Variants in MFSD8 observed in about 807,000 individuals in gnomAD.
MFSD8 encodes major facilitator superfamily domain-containing protein 8.
A neutral mutation model predicts 66.4 loss-of-function variants in MFSD8; 55 were observed. The observed-to-expected ratio is 0.83, with a 90% confidence interval of 0.67 to 1.04. MFSD8 has a LOEUF of 1.04. MFSD8 is among the 50% of genes least tolerant of loss of function. The pLI, the probability that MFSD8 is intolerant of heterozygous loss-of-function variation, is 0.00. For missense variants in MFSD8, 550 were observed against 627.6 expected, an observed-to-expected ratio of 0.88 and a Z score of 1.32; for synonymous variants, 202 against 212.8, an observed-to-expected ratio of 0.95 and a Z score of 0.44.
intron 2 of MFSD8, among the ~76,000 whole-genome samples, chr4:127,953,681 C>T (rs1262090171): frequency 6.8e-6 from 1 of 146,434 alleles, no homozygotes; most frequent in East Asian, 2.1e-4. Flanking sequence ...GATGGGGTTT[C>T]ACCATATTGG....
chr4:127,944,297 A>G (rs1307991215), intron 3 of MFSD8, among the ~76,000 whole-genome samples: 1 of 152,206 alleles, frequency 6.6e-6, no homozygotes, highest in Non-Finnish European at 1.5e-5. Context: ...GCATATAGCA[A>G]TAACATCATG....
intron 7 of MFSD8, among the ~76,000 whole-genome samples, chr4:127,934,895 GTTTA>G (rs1738795764): frequency 9.4e-6 from 1 of 106,716 alleles, no homozygotes; most frequent in Non-Finnish European, 1.7e-5. Context: ...ACAAAAATAT[GTTTA>G]TTTATGCTAT....
intron 1 of MFSD8, among the ~76,000 whole-genome samples, chr4:127,962,306 A>G (rs1313599516): frequency 2.0e-5 from 3 of 152,088 alleles, no homozygotes; most frequent in African/African-American, 7.2e-5. Context: ...GTCTTTACCA[A>G]AAATACAAAA....
At position 127,919,588 on chromosome 4, in the gene MFSD8, T is replaced by A. The variant is rs984323512; in HGVS notation, c.*1042A>T. On this transcript the variant is annotated 3_prime_UTR_variant, in exon 12 of 12. Coordinates refer to ENST00000641686, the MANE Select transcript of MFSD8 (RefSeq NM_001371596.2). ...ATTGTTAGATTAAAGCCATTTTGCC[T>A]CAAATACTTATTAGCCTGACTAGTT... 1 of 152,124 alleles carries A rather than the reference T, an allele frequency of 6.6e-6. No homozygotes were observed. The highest frequency in any genetic ancestry group is 1.5e-5 in the Non-Finnish European group (1 of 68,020). 9.4% of individuals were successfully genotyped at this position (152,124 alleles called of 1,614,324 possible). A position where few individuals can be genotyped will look rare whatever the true frequency, so the allele number is the denominator to read the frequency against.
intron 4 of MFSD8, 30 bp from the exon 5 acceptor site, chr4:127,942,188 A>G (rs1290552827): frequency 4.0e-6 from 6 of 1,507,286 alleles, no homozygotes; most frequent in Non-Finnish European, 5.5e-6. Context: ...AATCCAAAGT[A>G]AAAGAAAGTA....
At chr4:127,930,124 G>A (rs763860852) in intron 9 of MFSD8, among the ~76,000 whole-genome samples, 2 of 152,092 alleles carry the variant, frequency 1.3e-5, no homozygotes, top group Non-Finnish European at 2.9e-5. Flanking sequence ...GGTCATGCCT[G>A]TAGTCCAGCT....
At chr4:127,957,383 C>T (rs1473935509) in intron 2 of MFSD8, 118 bp downstream of exon 2, 6 of 762,700 alleles carry the variant, frequency 7.9e-6, no homozygotes, top group African/African-American at 5.2e-5. Context: ...AAATTTATGT[C>T]ACGTATTTTT....
At chr4:127,927,406 CCT>C (rs1414551396) in intron 9 of MFSD8, among the ~76,000 whole-genome samples, 2 of 152,160 alleles carry the variant, frequency 1.3e-5, no homozygotes, top group Non-Finnish European at 2.9e-5. Context: ...GAACTTCTGA[CCT>C]CAGGTGATCT....
intron 7 of MFSD8, among the ~76,000 whole-genome samples, chr4:127,936,864 A>G (rs1323663564): frequency 1.3e-5 from 2 of 152,094 alleles, no homozygotes; most frequent in African/African-American, 4.8e-5. Flanking sequence ...GATGTATATC[A>G]TTATCCCCTT....
rs1578912362 is a variant in MFSD8, at chr4:127,943,958, C to T, written c.233G>A (p.Trp78Ter). 3 of 1,613,998 alleles carry T rather than the reference C, an allele frequency of 1.9e-6. No individual in the cohort carries two copies. Among genetic ancestry groups the T allele is most frequent in the Non-Finnish European group, 2.5e-6 (3 of 1,180,010 alleles). The change falls in exon 4 of 12, where the codon TGG (tryptophan) becomes TAG (stop). Residue 78 changes from tryptophan to a stop codon, truncating the protein, a stop_gained. Coordinates refer to ENST00000641686, the MANE Select transcript of MFSD8 (RefSeq NM_001371596.2). LOFTEE classifies it high-confidence loss of function. ...DPTADTSFLGWVIASYSLGQM... is the reference protein window; with the variant it reads ...DPTADTSFLG ...GCCAAGACTATATGAAGCAATAACCCAGCCCAAAAAACTTGTATCAGCTGT... is the reference window on the plus strand; with the variant it reads ...GCCAAGACTATATGAAGCAATAACCTAGCCCAAAAAACTTGTATCAGCTGT...
Position 127,933,067 on chromosome 4 carries a change from G to C in MFSD8, c.781C>G (p.Gln261Glu), listed in dbSNP as rs1481738679. 2 of 1,613,692 alleles carry C rather than the reference G, an allele frequency of 1.2e-6. No homozygotes were observed. The highest frequency in any genetic ancestry group is 1.7e-6 in the Non-Finnish European group (2 of 1,179,836). The change falls in exon 8 of 12, where the codon CAA (glutamine) becomes GAA (glutamate). Residue 261 changes from glutamine to glutamate, a missense_variant. Physicochemically the swap from Gln to Glu is conservative, Grantham distance 29 (BLOSUM62 2). Coordinates refer to ENST00000641686, the MANE Select transcript of MFSD8 (RefSeq NM_001371596.2). The part of the protein sequence containing the change: ...EASTDEAQVP[Q>E]GNIDQVAVVA... ...ACAGCAACCTGGTCAATATTTCCTTGGGGAACCTGAGCTTCATCTGTACTT... is the reference window on the plus strand; with the variant it reads ...ACAGCAACCTGGTCAATATTTCCTTCGGGAACCTGAGCTTCATCTGTACTT...
intron 6 of MFSD8, 48 bp downstream of exon 6, chr4:127,939,805 T>C (rs1218449794): frequency 1.9e-6 from 3 of 1,559,546 alleles, no homozygotes; most frequent in African/African-American, 2.7e-5. Flanking sequence ...CAAAGCTCAT[T>C]AAATTTCACA....
rs1053709945 is a variant in MFSD8, at chr4:127,918,302, A to C, written c.*2328T>G. On this transcript the variant is annotated 3_prime_UTR_variant, in exon 12 of 12. Coordinates refer to ENST00000641686, the MANE Select transcript of MFSD8 (RefSeq NM_001371596.2). The stretch of plus-strand genomic sequence containing the variant: ...ACTTTATCTCCTTGCTCTTTTCCCA[A>C]TCCCATGTTACTTCCTTTCGCCTTC... The C allele has an allele frequency of 1.3e-5, 2 of 152,086 alleles. No individual in the cohort carries two copies. The highest frequency in any genetic ancestry group is 2.9e-5 in the Non-Finnish European group (2 of 68,026). The allele number at this position is 152,086 out of a possible 1,614,324, so 9.4% of individuals were successfully genotyped here.
chr4:127,962,646 A>G (rs1743989599), intron 1 of MFSD8, among the ~76,000 whole-genome samples: 2 of 151,924 alleles, frequency 1.3e-5, no homozygotes, highest in African/African-American at 4.8e-5. Flanking sequence ...ACTGCACTCC[A>G]GACTAGGCCA....
chr4:127,933,909 T>C lies in MFSD8; in HGVS notation c.755-816A>G, dbSNP rs573309335. Among the ~76,000 whole-genome samples the C allele has an allele frequency of 1.6e-4, 24 of 152,206 alleles. No individual in the cohort carries two copies. In the Middle Eastern group the frequency reaches 0.014, roughly 86 times the overall value. ...CAGTGTTACATGAAATTAGTACTCA[T>C]GGCCAGGAGTGGTGGCTCATACATG... On this transcript the variant is annotated intron_variant, in intron 7 of 11. Coordinates refer to ENST00000641686, the MANE Select transcript of MFSD8 (RefSeq NM_001371596.2).
intron 7 of MFSD8, among the ~76,000 whole-genome samples, chr4:127,938,045 T>C (rs1027819890): frequency 6.6e-6 from 1 of 151,984 alleles, no homozygotes; most frequent in Admixed American, 6.6e-5. Context: ...ATCTAAAAGA[T>C]GAAAATGTAT....
At chr4:127,937,031 C>T (rs770862191) in intron 7 of MFSD8, among the ~76,000 whole-genome samples, 1 of 152,198 alleles carries the variant, frequency 6.6e-6, no homozygotes, top group Non-Finnish European at 1.5e-5. Context: ...GCTGGCACTT[C>T]ACCTCTCATT....
chr4:127,942,260 C>T, intron 4 of MFSD8, 102 bp from the exon 5 acceptor site: 2 of 842,406 alleles, frequency 2.4e-6, no homozygotes, highest in Admixed American at 1.8e-5. Flanking sequence ...TCTTGGTCAA[C>T]AGTACAGTCA....
At chr4:127,930,050 G>A (rs573137823) in intron 9 of MFSD8, among the ~76,000 whole-genome samples, 1 of 152,090 alleles carries the variant, frequency 6.6e-6, no homozygotes, top group Middle Eastern at 3.2e-3. Flanking sequence ...AGACTAGCCT[G>A]GGCAACATAG....
Sources: allele counts gnomAD v4.1 joint callset (sites outside exome capture counted in the v4.1 genomes callset), GRCh38; gene constraint gnomAD v4.1.1; transcripts MANE v1.5; gene names NCBI Gene and HGNC (gene_info 2026-07-23, HGNC 2026-07-21).